The following CFAP61 variants were observed in gnomAD, a reference collection of about 807,000 sequenced individuals.
The protein encoded by CFAP61 is cilia and flagella associated protein 61.
A neutral mutation model predicts 135.6 loss-of-function variants in CFAP61; 107 were observed. That is an observed-to-expected ratio of 0.79 (90% CI 0.67 to 0.93). The LOEUF (loss-of-function observed/expected upper bound fraction) is 0.93. Among genes scored for constraint, CFAP61 ranks in the 40% least tolerant of loss-of-function variants. The pLI, the probability that CFAP61 is intolerant of heterozygous loss-of-function variation, is 0.00. For synonymous variants in CFAP61, 575 were observed against 578.5 expected (o/e 0.99, Z 0.09); for missense variants, 1,507 against 1,556.2 (o/e 0.97, Z 0.53).
At chr20:20,210,376 T>G (rs1355476475) in intron 17 of CFAP61, among the ~76,000 whole-genome samples, 1 of 152,264 alleles carries the variant, frequency 6.6e-6, no homozygotes, top group Non-Finnish European at 1.5e-5. Context: ...ACTTTGACTT[T>G]TGATGCATAA....
intron 25 of CFAP61, among the ~76,000 whole-genome samples, chr20:20,321,358 G>T (rs894665578): frequency 6.6e-6 from 1 of 152,170 alleles, no homozygotes; most frequent in African/African-American, 2.4e-5. Flanking sequence ...TTGAAACTGG[G>T]TGATAGGTGA....
At chr20:20,332,235 C>A (rs565440118) in intron 25 of CFAP61, among the ~76,000 whole-genome samples, 3 of 152,326 alleles carry the variant, frequency 2.0e-5, no homozygotes, top group African/African-American at 7.2e-5. Flanking sequence ...GTGAATGACC[C>A]GCGGCTGTGC....
intron 8 of CFAP61, among the ~76,000 whole-genome samples, chr20:20,131,006 A>C (rs1050465492): frequency 2.0e-5 from 3 of 151,822 alleles, no homozygotes; most frequent in Admixed American, 1.3e-4. Context: ...GTCCACCTCA[A>C]TATCAGTTTG....
At chr20:20,315,896 G>T (rs1451430583) in intron 25 of CFAP61, among the ~76,000 whole-genome samples, 15 of 152,070 alleles carry the variant, frequency 9.9e-5, no homozygotes, top group East Asian at 1.9e-4. Flanking sequence ...CATTGATCTG[G>T]ATCTCTGTTT....
intron 25 of CFAP61, among the ~76,000 whole-genome samples, chr20:20,327,276 A>G (rs2057786719): frequency 6.6e-6 from 1 of 152,160 alleles, no homozygotes; most frequent in Admixed American, 6.5e-5. Context: ...GCCTGGAATT[A>G]CATGTACAAT....
At chr20:20,089,386 TTA>T (rs11473166) in intron 6 of CFAP61, among the ~76,000 whole-genome samples, 46 of 147,812 alleles carry the variant, frequency 3.1e-4, no homozygotes, top group Admixed American at 2.7e-4. Context: ...GCCCTGAGCT[TTA>T]TATATATATA....
chr20:20,122,725 T>C (rs1446859680), intron 8 of CFAP61, among the ~76,000 whole-genome samples: 1 of 152,214 alleles, frequency 6.6e-6, no homozygotes, highest in Non-Finnish European at 1.5e-5. Context: ...GCTATAAACA[T>C]GTATGTCCAA....
chr20:20,189,246 C>T (rs1176292724), intron 14 of CFAP61, among the ~76,000 whole-genome samples: 2 of 138,328 alleles, frequency 1.4e-5, no homozygotes, highest in African/African-American at 2.5e-5. Context: ...AACTTCCCTT[C>T]AGCACATGGT....
intron 20 of CFAP61, among the ~76,000 whole-genome samples, chr20:20,262,566 C>T (rs1411107718): frequency 6.6e-6 from 1 of 152,148 alleles, no homozygotes; most frequent in East Asian, 1.9e-4. Flanking sequence ...TGATTTCAGC[C>T]CCCAGCCCCT....
At chr20:20,351,161 A>T (rs965167397) in intron 26 of CFAP61, among the ~76,000 whole-genome samples, 8 of 152,214 alleles carry the variant, frequency 5.3e-5, no homozygotes, top group African/African-American at 1.9e-4. Context: ...GGAAGAGGTG[A>T]AATTGTCTCT....
At chr20:20,265,662 A>C (rs2424303) in intron 21 of CFAP61, 2 of 609,636 alleles carry the variant, frequency 3.3e-6, no homozygotes, top group East Asian at 2.8e-5. Context: ...TGACTCCCCC[A>C]GGCACCTCTC....
chr20:20,212,270 T>C (rs563164271), intron 17 of CFAP61, among the ~76,000 whole-genome samples: 1 of 152,208 alleles, frequency 6.6e-6, no homozygotes, highest in Admixed American at 6.5e-5. Context: ...CTCAGATGCT[T>C]CTCATGACTC....
At chr20:20,138,979 GCT>G (rs978819351) in intron 8 of CFAP61, among the ~76,000 whole-genome samples, 4 of 152,000 alleles carry the variant, frequency 2.6e-5, no homozygotes, top group African/African-American at 9.7e-5. Flanking sequence ...TGGGAATTTG[GCT>G]CTCTTTTTGT....
chr20:20,270,380 C>G (rs898774330), intron 21 of CFAP61, among the ~76,000 whole-genome samples: 1 of 152,140 alleles, frequency 6.6e-6, no homozygotes, highest in Non-Finnish European at 1.5e-5. Context: ...GTCAAGCACT[C>G]AGTTCAAAAG....
At chr20:20,271,686 T>G (rs2053368242) in intron 21 of CFAP61, among the ~76,000 whole-genome samples, 1 of 152,204 alleles carries the variant, frequency 6.6e-6, no homozygotes, top group Non-Finnish European at 1.5e-5. Flanking sequence ...GCAACAAAGA[T>G]TGGTCTTCCA....
At chr20:20,301,151 G>A (rs912417422) in intron 25 of CFAP61, among the ~76,000 whole-genome samples, 2 of 152,126 alleles carry the variant, frequency 1.3e-5, no homozygotes, top group Non-Finnish European at 2.9e-5. Context: ...CTGCCCTAGA[G>A]CAACTTCCAG....
chr20:20,356,390 G>C (rs1179040481), intron 26 of CFAP61, among the ~76,000 whole-genome samples: 3 of 144,598 alleles, frequency 2.1e-5, no homozygotes, highest in East Asian at 2.3e-4. Flanking sequence ...GGTGGTCATA[G>C]TGTGAGGGGA....
chr20:20,142,949 G>A lies in CFAP61; in HGVS notation c.951+1G>A. The A allele has an allele frequency of 6.4e-7, 1 of 1,569,284 alleles. No individual in the cohort carries two copies. The highest frequency in any genetic ancestry group is 8.7e-7 in the Non-Finnish European group (1 of 1,150,502). On this transcript the variant is annotated splice_donor_variant, in intron 9 of 26. Coordinates refer to ENST00000245957, the MANE Select transcript of CFAP61 (RefSeq NM_015585.4). LOFTEE classifies it high-confidence loss of function. ...TCCAGATACCATGGAAAACATCCAG[G>A]TGAGAGAGACTATCCCTCCATGCCT... is the stretch of plus-strand genomic sequence containing the variant.
intron 20 of CFAP61, among the ~76,000 whole-genome samples, chr20:20,259,992 T>G (rs946335326): frequency 1.3e-5 from 2 of 152,218 alleles, no homozygotes; most frequent in African/African-American, 4.8e-5. Context: ...CCAGTCCTTG[T>G]GGCACTTCAT....
Sources: allele counts gnomAD v4.1 joint callset (sites outside exome capture counted in the v4.1 genomes callset), GRCh38; gene constraint gnomAD v4.1.1; transcripts MANE v1.5; gene names NCBI Gene and HGNC (gene_info 2026-07-23, HGNC 2026-07-21).